YEATS2: variants seen among roughly 807,000 people sequenced by gnomAD.
YEATS2 encodes YEATS domain-containing protein 2.
In YEATS2, 77 loss-of-function variants were observed where a neutral mutation model predicts 163.2. The observed-to-expected ratio is 0.47, with a 90% CI of 0.39 to 0.57. The LOEUF is 0.57. Among genes scored for constraint, YEATS2 ranks in the 20% least tolerant of loss-of-function variants. The pLI, the probability that YEATS2 is intolerant of heterozygous loss-of-function variation, is 0.00. For synonymous variants in YEATS2, 631 were observed against 645.1 expected (o/e 0.98, Z 0.33); for missense variants, 1,549 against 1,729.8 (o/e 0.90, Z 1.85).
chr3:183,717,621 C>T (rs764212965), intron 2 of YEATS2, 30 bp from the exon 3 acceptor site: 6 of 1,456,548 alleles, frequency 4.1e-6, no homozygotes, highest in East Asian at 2.6e-5. Context: ...ATTAATTAGG[C>T]CTTGGATGTA....
intron 7 of YEATS2, 146 bp from the exon 8 acceptor site, chr3:183,736,572 G>T (rs1718364691): frequency 3.5e-6 from 2 of 575,032 alleles, no homozygotes; most frequent in East Asian, 6.3e-5. Flanking sequence ...AGCAAAATTC[G>T]GCATGTTGAT....
chr3:183,730,571 G>C (rs745733360), intron 7 of YEATS2, among the ~76,000 whole-genome samples: 4 of 152,088 alleles, frequency 2.6e-5, no homozygotes, highest in Non-Finnish European at 5.9e-5. Flanking sequence ...CTGGGGGTGG[G>C]GTGGATGTCT....
chr3:183,801,361 G>A (rs914380055), intron 24 of YEATS2, 94 bp from the exon 25 acceptor site: 14 of 782,590 alleles, frequency 1.8e-5, no homozygotes, highest in African/African-American at 1.3e-4. Context: ...CCCTCAGAAC[G>A]GAATATATCC....
At chr3:183,722,618 G>A (rs1365324365) in intron 5 of YEATS2, among the ~76,000 whole-genome samples, 2 of 150,104 alleles carry the variant, frequency 1.3e-5, no homozygotes, top group East Asian at 2.0e-4. Flanking sequence ...GGTTTTACTT[G>A]CCCAAAAGTG....
chr3:183,798,912 G>T lies in YEATS2; in HGVS notation c.3248G>T (p.Ser1083Ile). The part of the protein sequence containing the change: ...VNKVVQSFST[S>I]KPPAILPVAA... ...TTAGTGGTTCAGTCATTTTCTACCA[G>T]CAAGCCACCTGCCATTCTGCCTGTA... is the stretch of plus-strand genomic sequence containing the variant. The change falls in exon 23 of 31, where the codon AGC (serine) becomes ATC (isoleucine). Residue 1083 changes from serine to isoleucine, a missense_variant. Transcript: ENST00000305135. 3 of 1,613,938 alleles carry T rather than the reference G, an allele frequency of 1.9e-6. No homozygotes were observed. The highest frequency in any genetic ancestry group is 2.5e-6 in the Non-Finnish European group (3 of 1,179,914).
chr3:183,699,513 A>G (rs951008939), intron 1 of YEATS2, among the ~76,000 whole-genome samples: 4 of 151,714 alleles, frequency 2.6e-5, no homozygotes, highest in African/African-American at 7.3e-5. Flanking sequence ...ATTCTAGACC[A>G]GCCTTGGCTA....
intron 9 of YEATS2, among the ~76,000 whole-genome samples, chr3:183,750,062 G>T (rs1720002135): frequency 6.6e-6 from 1 of 151,682 alleles, no homozygotes; most frequent in Non-Finnish European, 1.5e-5. Flanking sequence ...CTGACCTCAT[G>T]ATCTGCCTGC....
rs574948310 is a variant in YEATS2, at chr3:183,806,870, C to T, written c.3789C>T (p.Cys1263=). Residue 1263 remains cysteine (C), a synonymous_variant, in exon 28 of 31, where the codon TGC becomes TGT. Coordinates refer to ENST00000305135, the MANE Select transcript of YEATS2 (RefSeq NM_018023.5). The part of the protein sequence containing the change: ...VLTQIDSEPE[C]PSSFSSADNL... ...CACTGCTTGCCTGTCATTTAGAGTG[C>T]CCATCATCATTCTCCTCTGCTGACA... 53 of 1,613,924 alleles carry T rather than the reference C, an allele frequency of 3.3e-5. No homozygotes were observed. The highest frequency in any genetic ancestry group is 1.7e-4 in the Middle Eastern group (1 of 6,056).
At chr3:183,728,640 G>A in intron 6 of YEATS2, 50 bp from the exon 7 acceptor site, 1 of 1,469,344 alleles carries the variant, frequency 6.8e-7, no homozygotes, top group Non-Finnish European at 9.0e-7. Context: ...TATTTAGTTA[G>A]GTTTTTGAAG....
chr3:183,701,519 T>C (rs1160457373), intron 1 of YEATS2, among the ~76,000 whole-genome samples: 2 of 152,140 alleles, frequency 1.3e-5, no homozygotes, highest in African/African-American at 4.8e-5. Flanking sequence ...ACCAAGTAGG[T>C]GGGACTACAG....
At chr3:183,730,052 GTTTTTTTTTT>G (rs869091775) in intron 7 of YEATS2, among the ~76,000 whole-genome samples, 67 of 41,696 alleles carry the variant, frequency 1.6e-3, no homozygotes, top group African/African-American at 4.5e-3. Context: ...TTTTTTGTTT[GTTTTTTTTTT>G]TTTTTTTTTT....
intron 7 of YEATS2, among the ~76,000 whole-genome samples, chr3:183,733,900 G>A (rs553012420): frequency 3.3e-5 from 5 of 152,174 alleles, no homozygotes; most frequent in Admixed American, 1.3e-4. Context: ...GGCTCAGGGC[G>A]TGATAAAGGG....
intron 4 of YEATS2, among the ~76,000 whole-genome samples, chr3:183,720,816 C>T (rs924083736): frequency 6.6e-6 from 1 of 152,090 alleles, no homozygotes; most frequent in South Asian, 2.1e-4. Flanking sequence ...CCTAAGGCTC[C>T]GGGGAAGAAT....
intron 1 of YEATS2, among the ~76,000 whole-genome samples, chr3:183,705,745 ATCCT>A (rs1214694767): frequency 6.6e-6 from 1 of 152,192 alleles, no homozygotes; most frequent in East Asian, 1.9e-4. Context: ...ATTTTAGTTA[ATCCT>A]TCATTTATGG....
chr3:183,728,959 G>T, intron 7 of YEATS2, 108 bp downstream of exon 7: 1 of 1,239,924 alleles, frequency 8.1e-7, no homozygotes. Flanking sequence ...AGTAGTAATT[G>T]AGAATTGGCT....
chr3:183,719,835 C>T (rs1438748081), intron 4 of YEATS2, among the ~76,000 whole-genome samples: 1 of 152,126 alleles, frequency 6.6e-6, no homozygotes, highest in Admixed American at 6.6e-5. Flanking sequence ...CCTCAGCCTC[C>T]TGAGTAGCTA....
At chr3:183,738,893 T>C (rs974824178) in intron 8 of YEATS2, among the ~76,000 whole-genome samples, 1 of 144,728 alleles carries the variant, frequency 6.9e-6, no homozygotes, top group African/African-American at 2.6e-5. Flanking sequence ...AGGAGCATGA[T>C]TTATAGTCCT....
intron 2 of YEATS2, among the ~76,000 whole-genome samples, chr3:183,717,309 C>G (rs1432520948): frequency 1.3e-5 from 2 of 151,888 alleles, no homozygotes; most frequent in Admixed American, 6.5e-5. Flanking sequence ...CTTTCCTTGT[C>G]TTTCTTTCTT....
intron 8 of YEATS2, among the ~76,000 whole-genome samples, chr3:183,737,993 CT>C (rs1011156076): frequency 1.1e-4 from 16 of 149,730 alleles, no homozygotes; most frequent in Admixed American, 5.4e-4. Context: ...ATATTTCAAA[CT>C]TTTTTTTTTA....
Sources: gnomAD v4.1 joint callset for allele counts (sites outside exome capture counted in the v4.1 genomes callset) on GRCh38, gnomAD v4.1.1 for gene constraint, MANE v1.5 for transcripts, NCBI Gene and HGNC (gene_info 2026-07-23, HGNC 2026-07-21) for gene names.